CEP128: variants seen among roughly 807,000 people sequenced by gnomAD.
CEP128 encodes centrosomal protein 128kDa.
CEP128 carries 132 observed loss-of-function variants against 156.7 expected under a neutral mutation model. The ratio of observed to expected loss-of-function variants is 0.84; its 90% CI spans 0.73 to 0.97. CEP128 has a LOEUF of 0.97. CEP128 is among the 50% of genes least tolerant of loss of function. The pLI is 0.00. For synonymous variants in CEP128, 469 were observed against 448.9 expected, an observed-to-expected ratio of 1.04 and a Z score of -0.57; for missense variants, 1,252 against 1,281.9, an observed-to-expected ratio of 0.98 and a Z score of 0.36.
intron 19 of CEP128, among the ~76,000 whole-genome samples, chr14:80,664,573 AC>A (rs1214781165): frequency 1.3e-5 from 2 of 152,186 alleles, no homozygotes; most frequent in African/African-American, 4.8e-5. Flanking sequence ...TAAGAGGTTG[AC>A]ATTATTTATC....
At chr14:80,856,620 G>GT (rs1275788090) in intron 9 of CEP128, among the ~76,000 whole-genome samples, 1 of 151,808 alleles carries the variant, frequency 6.6e-6, no homozygotes, top group Admixed American at 6.6e-5. Flanking sequence ...TCCAGCGTGG[G>GT]TGAGTGTGAC....
chr14:80,737,715 T>C (rs1490392416), intron 19 of CEP128, among the ~76,000 whole-genome samples: 2 of 151,610 alleles, frequency 1.3e-5, no homozygotes, highest in Non-Finnish European at 2.9e-5. Context: ...ACCTCATCTC[T>C]ATACAAAAAT....
chr14:80,675,792 G>A (rs750388350), intron 19 of CEP128, among the ~76,000 whole-genome samples: 2 of 151,878 alleles, frequency 1.3e-5, no homozygotes, highest in African/African-American at 2.4e-5. Context: ...TTTCCCATAT[G>A]GATAAAATTT....
chr14:80,842,541 T>A (rs1211207288), intron 9 of CEP128, among the ~76,000 whole-genome samples: 1 of 151,990 alleles, frequency 6.6e-6, no homozygotes, highest in Non-Finnish European at 1.5e-5. Context: ...AAAACACAGA[T>A]AATACTCAAA....
At chr14:80,780,475 A>C (rs1029617661) in intron 15 of CEP128, among the ~76,000 whole-genome samples, 9 of 152,258 alleles carry the variant, frequency 5.9e-5, no homozygotes, top group Middle Eastern at 3.4e-3. Context: ...ACTCTAGAGC[A>C]ACTTCAATAC....
chr14:80,542,341 T>C (rs1301086234), intron 21 of CEP128, among the ~76,000 whole-genome samples: 1 of 152,202 alleles, frequency 6.6e-6, no homozygotes. Flanking sequence ...TACATAAAGA[T>C]ACATTTAGAA....
rs151264688 is a variant in CEP128, at chr14:80,803,668, C to T, written c.1210-10558G>A. ...TGTGAATCTGATCAACAAGACACCA[C>T]TCCCAAATATTCACAAGTAAAGCTT... On this transcript the variant is annotated intron_variant, in intron 13 of 24. Coordinates refer to ENST00000555265, the MANE Select transcript of CEP128 (RefSeq NM_152446.5). 6.0e-3 allele frequency among the ~76,000 whole-genome samples: 918 copies of T among 152,196 alleles called. 11 individuals are homozygous for T. The highest frequency in any genetic ancestry group is 0.021 in the African/African-American group (863 of 41,536).
Position 80,955,552 on chromosome 14 carries a change from C to A in CEP128, c.-172+2626G>T. The A allele has an allele frequency of 2.7e-6, 3 of 1,116,230 alleles. No homozygotes were observed. In the South Asian group the frequency reaches 3.8e-5, roughly 14 times the overall value. The allele number at this position is 1,116,230 out of a possible 1,614,324, so 69.1% of individuals were successfully genotyped here. A position where few individuals can be genotyped will look rare whatever the true frequency, so the allele number is the denominator to read the frequency against. ...TCCTCCACAGTGGTGAGGTCACAGC[C>A]CCTTGGAGCCCTCCCTCTTCCCACC... On this transcript the variant is annotated intron_variant, in intron 2 of 7. Coordinates refer to the CEP128 transcript ENST00000555529.
At chr14:80,674,003 A>G (rs72690943) in intron 19 of CEP128, among the ~76,000 whole-genome samples, 19,855 of 152,146 alleles carry the variant, frequency 0.13, 1,581 homozygotes, top group Non-Finnish European at 0.2. Flanking sequence ...GGCTTCTGAG[A>G]AAAAGGCCAA....
chr14:80,924,057 C>T (rs1397054804), intron 2 of CEP128, among the ~76,000 whole-genome samples: 2 of 152,158 alleles, frequency 1.3e-5, no homozygotes, highest in Admixed American at 6.5e-5. Context: ...CCCAGTCATG[C>T]GGAACTGTGA....
intron 19 of CEP128, among the ~76,000 whole-genome samples, chr14:80,625,431 G>A (rs1595109449): frequency 6.6e-6 from 1 of 151,958 alleles, no homozygotes; most frequent in African/African-American, 2.4e-5. Flanking sequence ...GGCTATTTGA[G>A]GTTTTTGGGT....
intron 8 of CEP128, among the ~76,000 whole-genome samples, chr14:80,865,660 T>G (rs1412433181): frequency 6.6e-6 from 1 of 152,116 alleles, no homozygotes; most frequent in African/African-American, 2.4e-5. Flanking sequence ...ACTTCCATTA[T>G]TAGATTGCAA....
intron 8 of CEP128, among the ~76,000 whole-genome samples, chr14:80,884,885 G>A (rs1888722960): frequency 6.6e-6 from 1 of 152,168 alleles, no homozygotes; most frequent in African/African-American, 2.4e-5. Context: ...CTCCCACAAA[G>A]CCCAGCAAGC....
At chr14:80,801,094 A>T (rs1388469567) in intron 13 of CEP128, among the ~76,000 whole-genome samples, 1 of 152,240 alleles carries the variant, frequency 6.6e-6, no homozygotes, top group Non-Finnish European at 1.5e-5. Flanking sequence ...AAGAGAGATT[A>T]AAAAATAAGG....
At chr14:80,957,474 A>C (rs934474089) in intron 2 of CEP128, among the ~76,000 whole-genome samples, 16 of 152,200 alleles carry the variant, frequency 1.1e-4, no homozygotes, top group African/African-American at 3.1e-4. Flanking sequence ...AACAAAAAAA[A>C]AAAAACTTAA....
intron 2 of CEP128, among the ~76,000 whole-genome samples, chr14:80,923,202 A>C (rs1228643383): frequency 1.3e-5 from 2 of 152,248 alleles, no homozygotes; most frequent in Non-Finnish European, 2.9e-5. Flanking sequence ...CTTATAAAGA[A>C]GAAATACAGC....
intron 19 of CEP128, among the ~76,000 whole-genome samples, chr14:80,619,308 A>G (rs1893362087): frequency 1.3e-5 from 2 of 152,076 alleles, no homozygotes; most frequent in African/African-American, 2.4e-5. Flanking sequence ...ACCAAAACAT[A>G]AGATAACAGA....
At chr14:80,562,172 C>T (rs962765504) in intron 20 of CEP128, among the ~76,000 whole-genome samples, 3 of 152,022 alleles carry the variant, frequency 2.0e-5, no homozygotes, top group East Asian at 1.9e-4. Context: ...GTGATCCACC[C>T]GTCTCAGCCT....
chr14:80,587,919 G>A (rs1421030721), intron 19 of CEP128, among the ~76,000 whole-genome samples: 1 of 152,058 alleles, frequency 6.6e-6, no homozygotes, highest in Non-Finnish European at 1.5e-5. Context: ...TAATTGGGCT[G>A]GGAGAAAGTT....
Sources: gnomAD v4.1 joint callset for allele counts (sites outside exome capture counted in the v4.1 genomes callset) on GRCh38, gnomAD v4.1.1 for gene constraint, MANE v1.5 for transcripts, NCBI Gene and HGNC (gene_info 2026-07-23, HGNC 2026-07-21) for gene names.